Variants in GPHN observed in about 807,000 individuals in gnomAD.
GPHN encodes the protein gephyrin.
In GPHN, 17 loss-of-function variants were observed where a neutral mutation model predicts 95.5. That is an observed-to-expected ratio of 0.18 (90% confidence interval 0.12 to 0.27). The LOEUF (loss-of-function observed/expected upper bound fraction) is 0.27. Ranked by LOEUF, GPHN falls within the 10% of genes least tolerant of loss-of-function variation. The pLI is 1.00. For missense variants in GPHN, 660 were observed against 978.1 expected (o/e 0.67, Z 4.34); for synonymous variants, 320 against 322.5 (o/e 0.99, Z 0.08).
chr14:66,828,732 G>T (rs1287251818), intron 4 of GPHN, among the ~76,000 whole-genome samples: 5 of 152,022 alleles, frequency 3.3e-5, no homozygotes, highest in Non-Finnish European at 7.4e-5. Context: ...TTGTCAATGG[G>T]TATGAGCTCT....
chr14:67,560,043 T>C, the GPHN span, among the ~76,000 whole-genome samples: 1 of 152,220 alleles, frequency 6.6e-6, no homozygotes, highest in Non-Finnish European at 1.5e-5. Context: ...ATTTATTTAT[T>C]GGAGACAGAG....
intron 5 of GPHN, among the ~76,000 whole-genome samples, chr14:66,913,500 C>T (rs2065770224): frequency 6.6e-6 from 1 of 152,064 alleles, no homozygotes; most frequent in Non-Finnish European, 1.5e-5. Flanking sequence ...TGCTACCACA[C>T]CCGGCTAATT....
chr14:66,747,979 G>A (rs915207339), intron 2 of GPHN, among the ~76,000 whole-genome samples: 1 of 152,014 alleles, frequency 6.6e-6, no homozygotes, highest in African/African-American at 2.4e-5. Context: ...CTGTGATGAT[G>A]TATCAATAAG....
chr14:67,289,768 C>CTTTTTTTTTTTTTTTTTTTT, the GPHN span, among the ~76,000 whole-genome samples: 5 of 95,508 alleles, frequency 5.2e-5, 2 homozygotes, highest in Non-Finnish European at 2.1e-5. Context: ...TTTTCCATGT[C>CTTTTTTTTTTTTTTTTTTTT]CTTTTTTTTT....
At chr14:67,648,709 A>G in the GPHN span, 1 of 152,282 alleles carries the variant, frequency 6.6e-6, no homozygotes, top group East Asian at 1.9e-4. Flanking sequence ...GCTGATGGAA[A>G]GAGTACTAAG....
chr14:66,572,013 A>G (rs1343025403), intron 1 of GPHN, among the ~76,000 whole-genome samples: 1 of 152,132 alleles, frequency 6.6e-6, no homozygotes, highest in Admixed American at 6.5e-5. Flanking sequence ...TCCCAATATC[A>G]TTTGTTGAAG....
chr14:67,096,562 A>T (rs778175803), intron 12 of GPHN, among the ~76,000 whole-genome samples: 1 of 151,930 alleles, frequency 6.6e-6, no homozygotes, highest in Non-Finnish European at 1.5e-5. Flanking sequence ...CTTAGGCACT[A>T]TGCTAGACAG....
At chr14:67,392,668 G>A in the GPHN span, 12 of 1,613,058 alleles carry the variant, frequency 7.4e-6, no homozygotes, top group Non-Finnish European at 1.0e-5. Context: ...TTACAAAAGT[G>A]TACAGGGCTG....
chr14:67,403,684 T>C, the GPHN span, among the ~76,000 whole-genome samples: 8 of 152,362 alleles, frequency 5.3e-5, no homozygotes, highest in Non-Finnish European at 5.9e-5. Flanking sequence ...TCAAATAAGC[T>C]GGTGGCCCTC....
the GPHN span, among the ~76,000 whole-genome samples, chr14:67,239,240 A>G: frequency 6.6e-6 from 1 of 152,164 alleles, no homozygotes; most frequent in Admixed American, 6.5e-5. Flanking sequence ...AAGATATACT[A>G]TCTTTCCAAA....
intron 1 of GPHN, among the ~76,000 whole-genome samples, chr14:66,612,696 A>G (rs147946452): frequency 2.0e-5 from 3 of 152,038 alleles, no homozygotes; most frequent in African/African-American, 7.2e-5. Flanking sequence ...CTTTCTCTCC[A>G]GAAACTTTCT....
rs372179642 is a variant in GPHN, at chr14:66,605,050, C to T, written c.65-76057C>T. 8.6e-4 allele frequency among the ~76,000 whole-genome samples: 131 copies of T among 152,218 alleles called. 4 individuals are homozygous for T. In the South Asian group the frequency reaches 0.026, roughly 30 times the overall value. ...ACACATTTCAGTCTTTTTATGGCTG[C>T]GTAGTATTCCATGGTGTATATGTGC... On this transcript the variant is annotated intron_variant, in intron 1 of 22. Coordinates refer to ENST00000478722, the MANE Select transcript of GPHN (RefSeq NM_020806.5).
intron 4 of GPHN, among the ~76,000 whole-genome samples, chr14:66,828,712 T>A (rs1201475086): frequency 6.6e-6 from 1 of 151,926 alleles, no homozygotes; most frequent in African/African-American, 2.4e-5. Context: ...AAAAAAACAA[T>A]CCAAAGATTT....
At chr14:66,884,257 A>G (rs1196121071) in intron 5 of GPHN, among the ~76,000 whole-genome samples, 1 of 152,012 alleles carries the variant, frequency 6.6e-6, no homozygotes, top group East Asian at 1.9e-4. Flanking sequence ...AGCCCCATTA[A>G]GAGCTGTTAT....
intron 8 of GPHN, among the ~76,000 whole-genome samples, chr14:66,961,900 G>GTGCATA (rs1177915817): frequency 1.9e-5 from 1 of 52,958 alleles, no homozygotes; most frequent in African/African-American, 5.4e-5. Flanking sequence ...CCCTGAATGT[G>GTGCATA]TATATATATA....
intron 3 of GPHN, among the ~76,000 whole-genome samples, chr14:66,818,565 A>G (rs943312403): frequency 3.2e-4 from 49 of 152,132 alleles, no homozygotes; most frequent in African/African-American, 1.1e-3. Flanking sequence ...ATGAACATAC[A>G]TGTGCATGTG....
chr14:67,265,113 T>A, the GPHN span, among the ~76,000 whole-genome samples: 1 of 152,354 alleles, frequency 6.6e-6, no homozygotes, highest in East Asian at 1.9e-4. Context: ...ATACAGTTTG[T>A]TTTTAAGCTA....
the GPHN span, among the ~76,000 whole-genome samples, chr14:67,272,731 T>G: frequency 6.6e-6 from 1 of 152,208 alleles, no homozygotes; most frequent in Non-Finnish European, 1.5e-5. Context: ...CGATCTTGGC[T>G]CACTACAACC....
At chr14:66,586,888 A>T (rs1413623752) in intron 1 of GPHN, among the ~76,000 whole-genome samples, 2 of 152,190 alleles carry the variant, frequency 1.3e-5, no homozygotes, top group Non-Finnish European at 2.9e-5. Context: ...AGTAGCAAAG[A>T]AAAAAACAAA....
Sources: gnomAD v4.1 joint callset for allele counts (sites outside exome capture counted in the v4.1 genomes callset) on GRCh38, gnomAD v4.1.1 for gene constraint, MANE v1.5 for transcripts, NCBI Gene and HGNC (gene_info 2026-07-23, HGNC 2026-07-21) for gene names.